Variants in ST8SIA4 observed in about 807,000 individuals in gnomAD.
ST8SIA4 encodes the protein ST8 alpha-N-acetyl-neuraminide alpha-2,8-sialyltransferase 4.
In ST8SIA4, 15 loss-of-function variants were observed where a neutral mutation model predicts 33.9. That is an observed-to-expected ratio of 0.44 (90% CI 0.30 to 0.68). ST8SIA4 has a LOEUF of 0.68. Ranked by LOEUF, ST8SIA4 falls within the 30% of genes least tolerant of loss-of-function variation. The pLI, the probability that ST8SIA4 is intolerant of heterozygous loss-of-function variation, is 0.10. For missense variants in ST8SIA4, 321 were observed against 428.0 expected, an observed-to-expected ratio of 0.75 and a Z score of 2.21; for synonymous variants, 171 against 151.2, an observed-to-expected ratio of 1.13 and a Z score of -0.96.
At chr5:100,834,263 G>A (rs1305555326) in intron 4 of ST8SIA4, among the ~76,000 whole-genome samples, 3 of 152,230 alleles carry the variant, frequency 2.0e-5, no homozygotes, top group African/African-American at 7.2e-5. Context: ...ATTGTTAGTT[G>A]TAGGGCATAG....
chr5:100,813,961 G>A (rs555215977), intron 4 of ST8SIA4, among the ~76,000 whole-genome samples: 1 of 152,072 alleles, frequency 6.6e-6, no homozygotes, highest in East Asian at 1.9e-4. Flanking sequence ...TATTTCTAAA[G>A]TGAGAAAAAT....
At chr5:100,896,024 C>A (rs930474454) in intron 1 of ST8SIA4, among the ~76,000 whole-genome samples, 1 of 151,914 alleles carries the variant, frequency 6.6e-6, no homozygotes, top group African/African-American at 2.4e-5. Context: ...AAAAAAAGAT[C>A]TCTATGGTAC....
chr5:100,896,798 C>T (rs750141443), intron 1 of ST8SIA4, among the ~76,000 whole-genome samples: 29 of 152,150 alleles, frequency 1.9e-4, no homozygotes, highest in Non-Finnish European at 1.3e-4. Context: ...AAGTGCTCCT[C>T]CATCTGTATA....
At chr5:100,837,152 A>G (rs911575542) in intron 4 of ST8SIA4, among the ~76,000 whole-genome samples, 6 of 152,068 alleles carry the variant, frequency 3.9e-5, no homozygotes, top group African/African-American at 1.4e-4. Context: ...ACTAGTTTCA[A>G]AAGCATTTAG....
At chr5:100,854,454 G>T (rs1751769349) in intron 4 of ST8SIA4, among the ~76,000 whole-genome samples, 1 of 151,962 alleles carries the variant, frequency 6.6e-6, no homozygotes, top group African/African-American at 2.4e-5. Flanking sequence ...GTGGTGGCGG[G>T]CACCTGTAGT....
At chr5:100,834,674 G>T (rs1751329242) in intron 4 of ST8SIA4, among the ~76,000 whole-genome samples, 1 of 152,042 alleles carries the variant, frequency 6.6e-6, no homozygotes, top group Non-Finnish European at 1.5e-5. Context: ...GATCCCTTAT[G>T]GCTTGGTGCT....
intron 4 of ST8SIA4, among the ~76,000 whole-genome samples, chr5:100,837,027 CACA>C (rs1751377976): frequency 2.6e-5 from 4 of 151,184 alleles, no homozygotes; most frequent in Non-Finnish European, 4.4e-5. Context: ...CACACACACA[CACA>C]CCGTAATACC....
intron 4 of ST8SIA4, among the ~76,000 whole-genome samples, chr5:100,852,960 A>T (rs1751736641): frequency 6.6e-6 from 1 of 152,154 alleles, no homozygotes; most frequent in Admixed American, 6.5e-5. Flanking sequence ...TCACATTTTA[A>T]CATTATGATT....
intron 4 of ST8SIA4, among the ~76,000 whole-genome samples, chr5:100,845,759 G>A (rs956593908): frequency 1.3e-5 from 2 of 151,818 alleles, no homozygotes; most frequent in Non-Finnish European, 2.9e-5. Flanking sequence ...TTTTAGTAAC[G>A]ATTTTTCCTC....
chr5:100,894,860 G>C (rs185575759), intron 2 of ST8SIA4, among the ~76,000 whole-genome samples: 11 of 152,064 alleles, frequency 7.2e-5, no homozygotes, highest in African/African-American at 2.6e-4. Flanking sequence ...TTGACTTTTG[G>C]ATTATTTTAT....
At chr5:100,836,995 AACACACACACAC>A (rs143119843) in intron 4 of ST8SIA4, among the ~76,000 whole-genome samples, 7 of 146,298 alleles carry the variant, frequency 4.8e-5, no homozygotes, top group Non-Finnish European at 7.5e-5. Flanking sequence ...TTAGTGCTAA[AACACACACACAC>A]ACACACACAC....
At chr5:100,865,230 A>AT (rs1456027534) in intron 3 of ST8SIA4, among the ~76,000 whole-genome samples, 3 of 152,230 alleles carry the variant, frequency 2.0e-5, no homozygotes, top group Admixed American at 6.5e-5. Context: ...GAGAGAAATG[A>AT]AAATATTGAT....
intron 4 of ST8SIA4, among the ~76,000 whole-genome samples, chr5:100,820,012 T>C (rs1294217431): frequency 2.6e-5 from 4 of 152,146 alleles, no homozygotes; most frequent in Admixed American, 2.6e-4. Context: ...AATCCCTGAG[T>C]TACAATATTC....
chr5:100,833,879 G>A (rs1049430271), intron 4 of ST8SIA4, among the ~76,000 whole-genome samples: 12 of 151,956 alleles, frequency 7.9e-5, no homozygotes, highest in African/African-American at 1.9e-4. Flanking sequence ...CTTATCGTAC[G>A]GTACTATAAT....
chr5:100,861,423 A>T lies in ST8SIA4; in HGVS notation c.504-5027T>A, dbSNP rs148281284. Among the ~76,000 whole-genome samples the T allele has an allele frequency of 9.3e-4, 142 of 152,244 alleles. 1 individual carries two copies. The East Asian group carries it at 0.026, about 28-fold the overall frequency. On this transcript the variant is annotated intron_variant, in intron 3 of 4. Coordinates refer to ENST00000231461, the MANE Select transcript of ST8SIA4 (RefSeq NM_005668.6). ...ATAATCAAACTCCTTCTAGCAAACAAAGATCTGCATACCAAGAAATATGTT... is the reference window on the plus strand; with the variant it reads ...ATAATCAAACTCCTTCTAGCAAACATAGATCTGCATACCAAGAAATATGTT...
chr5:100,842,105 A>C (rs1751482504), intron 4 of ST8SIA4, among the ~76,000 whole-genome samples: 1 of 151,948 alleles, frequency 6.6e-6, no homozygotes, highest in Admixed American at 6.6e-5. Context: ...TTACTACTTC[A>C]ATAGAATTTT....
At chr5:100,813,535 AT>A (rs1205790193) in intron 4 of ST8SIA4, among the ~76,000 whole-genome samples, 1 of 151,968 alleles carries the variant, frequency 6.6e-6, no homozygotes, top group African/African-American at 2.4e-5. Context: ...ACATCTAGGA[AT>A]TTTCTCATAA....
At chr5:100,834,151 G>A (rs563251334) in intron 4 of ST8SIA4, among the ~76,000 whole-genome samples, 111 of 152,156 alleles carry the variant, frequency 7.3e-4, no homozygotes, top group African/African-American at 2.6e-3. Context: ...CACATATAAT[G>A]TATATGGATA....
intron 3 of ST8SIA4, among the ~76,000 whole-genome samples, chr5:100,858,307 G>A (rs1307394807): frequency 6.6e-6 from 1 of 152,006 alleles, no homozygotes; most frequent in Non-Finnish European, 1.5e-5. Flanking sequence ...TCCTGTTGGG[G>A]AAGTGGCTTT....
Sources: allele counts gnomAD v4.1 joint callset (sites outside exome capture counted in the v4.1 genomes callset), GRCh38; gene constraint gnomAD v4.1.1; transcripts MANE v1.5; gene names NCBI Gene and HGNC (gene_info 2026-07-23, HGNC 2026-07-21).